Variants in PACRG observed in about 807,000 individuals in gnomAD.
PACRG encodes the protein parkin coregulated, also known as parkin coregulated gene protein.
A neutral mutation model predicts 29.7 loss-of-function variants in PACRG; 29 were observed. The ratio of observed to expected loss-of-function variants is 0.98; its 90% CI spans 0.73 to 1.33. PACRG has a LOEUF of 1.33. Among genes scored for constraint, PACRG ranks in the 40% most tolerant of loss-of-function variants. The pLI, the probability that PACRG is intolerant of heterozygous loss-of-function variation, is 0.00. For synonymous variants in PACRG, 116 were observed against 118.7 expected, an observed-to-expected ratio of 0.98 and a Z score of 0.15; for missense variants, 279 against 316.2, an observed-to-expected ratio of 0.88 and a Z score of 0.89.
intron 2 of PACRG, among the ~76,000 whole-genome samples, chr6:162,970,466 C>T (rs1030599874): frequency 2.6e-5 from 4 of 152,124 alleles, no homozygotes; most frequent in Non-Finnish European, 4.4e-5. Flanking sequence ...TCCCGGCTAT[C>T]GATGAAGAAA....
chr6:163,096,558 G>A (rs761057430), intron 4 of PACRG, among the ~76,000 whole-genome samples: 76 of 152,190 alleles, frequency 5.0e-4, no homozygotes, highest in Admixed American at 4.8e-3. Context: ...GGCTTTTGAC[G>A]GGTCATGTAA....
At chr6:163,199,295 G>T (rs963601022) in intron 4 of PACRG, among the ~76,000 whole-genome samples, 2 of 152,206 alleles carry the variant, frequency 1.3e-5, no homozygotes, top group African/African-American at 4.8e-5. Flanking sequence ...GCTGATTCTT[G>T]CAGCTTGAGC....
At chr6:163,220,871 A>T (rs550232716) in intron 4 of PACRG, among the ~76,000 whole-genome samples, 2 of 152,120 alleles carry the variant, frequency 1.3e-5, no homozygotes, top group Non-Finnish European at 2.9e-5. Context: ...CAACATCCCT[A>T]TGAGGTAAGA....
chr6:162,905,210 G>A (rs1795848052), intron 2 of PACRG, among the ~76,000 whole-genome samples: 2 of 152,168 alleles, frequency 1.3e-5, no homozygotes, highest in African/African-American at 4.8e-5. Flanking sequence ...AGTTGAGGAT[G>A]CATTAGGCTT....
chr6:163,045,781 C>A lies in PACRG; in HGVS notation c.292-16369C>A, dbSNP rs540109393. On this transcript the variant is annotated intron_variant, in intron 2 of 4. Coordinates refer to ENST00000366888, the MANE Select transcript of PACRG (RefSeq NM_001080379.2). ...GGGACTACAGGCGTGCGCTACCACG[C>A]CTTTTTGTATTTTTAGTAGAGACGG... Among the ~76,000 whole-genome samples the A allele has an allele frequency of 2.7e-4, 41 of 151,306 alleles. 1 individual carries two copies. Among genetic ancestry groups the A allele is most frequent in the Middle Eastern group, 3.4e-3 (1 of 290 alleles).
chr6:163,300,741 A>G (rs1007483368), intron 4 of PACRG, among the ~76,000 whole-genome samples: 6 of 151,968 alleles, frequency 3.9e-5, no homozygotes, highest in African/African-American at 1.5e-4. Flanking sequence ...CTACAAAAGA[A>G]TGACCTTTTT....
intron 2 of PACRG, among the ~76,000 whole-genome samples, chr6:162,934,135 A>C (rs1053718883): frequency 1.3e-5 from 2 of 151,826 alleles, no homozygotes; most frequent in Admixed American, 1.3e-4. Context: ...ATGGTGGCAC[A>C]CTCCTGTAAT....
chr6:162,776,155 A>G (rs1321977134), intron 1 of PACRG, among the ~76,000 whole-genome samples: 2 of 152,238 alleles, frequency 1.3e-5, no homozygotes, highest in Non-Finnish European at 2.9e-5. Flanking sequence ...TTTATTAGCT[A>G]CATATTCCTT....
intron 1 of PACRG, among the ~76,000 whole-genome samples, chr6:162,786,794 A>T (rs1239982403): frequency 2.7e-5 from 4 of 150,322 alleles, no homozygotes; most frequent in Non-Finnish European, 4.4e-5. Flanking sequence ...TAATGTTTTG[A>T]AGGTTGTTAT....
At chr6:163,147,359 G>A (rs890104110) in intron 4 of PACRG, among the ~76,000 whole-genome samples, 1 of 152,148 alleles carries the variant, frequency 6.6e-6, no homozygotes, top group Non-Finnish European at 1.5e-5. Context: ...TGTTTTCAAT[G>A]TGCTTTTCTT....
At chr6:163,180,037 G>A (rs1779579914) in intron 4 of PACRG, among the ~76,000 whole-genome samples, 1 of 152,210 alleles carries the variant, frequency 6.6e-6, no homozygotes, top group African/African-American at 2.4e-5. Flanking sequence ...ACTTGAAGTG[G>A]TCTTTCTGAA....
At chr6:163,248,244 T>C (rs1481824464) in intron 4 of PACRG, among the ~76,000 whole-genome samples, 1 of 152,226 alleles carries the variant, frequency 6.6e-6, no homozygotes, top group African/African-American at 2.4e-5. Flanking sequence ...TTCCCTTCTT[T>C]GTTTCATTCA....
At chr6:162,869,387 A>G (rs977664349) in intron 2 of PACRG, among the ~76,000 whole-genome samples, 2 of 152,206 alleles carry the variant, frequency 1.3e-5, no homozygotes, top group East Asian at 1.9e-4. Flanking sequence ...TCCACGGTAT[A>G]TTATTAGTTT....
At chr6:163,020,891 T>G (rs896337448) in intron 2 of PACRG, among the ~76,000 whole-genome samples, 1 of 152,144 alleles carries the variant, frequency 6.6e-6, no homozygotes, top group African/African-American at 2.4e-5. Context: ...ATGTCTACAA[T>G]TAACTCTTGC....
chr6:163,279,805 A>T (rs1225652601), intron 4 of PACRG, among the ~76,000 whole-genome samples: 1 of 152,230 alleles, frequency 6.6e-6, no homozygotes, highest in Admixed American at 6.5e-5. Context: ...CACATAAGTC[A>T]TATTTTCCAG....
chr6:163,035,005 A>G (rs2128231385), intron 2 of PACRG, among the ~76,000 whole-genome samples: 1 of 152,286 alleles, frequency 6.6e-6, no homozygotes, highest in South Asian at 2.1e-4. Flanking sequence ...CCCCCTTTCA[A>G]ACCATATAGG....
At chr6:163,240,267 G>A (rs1238959112) in intron 4 of PACRG, among the ~76,000 whole-genome samples, 4 of 150,122 alleles carry the variant, frequency 2.7e-5, no homozygotes, top group African/African-American at 9.7e-5. Flanking sequence ...ACGTGCAAGG[G>A]ACGATTGGGG....
intron 4 of PACRG, chr6:163,191,029 T>G (rs558110715): frequency 8.9e-6 from 4 of 447,386 alleles, no homozygotes; most frequent in Non-Finnish European, 8.9e-6. Context: ...ATACTGAATT[T>G]AAAATATTAC....
chr6:163,044,404 C>T (rs1410306910), intron 2 of PACRG, among the ~76,000 whole-genome samples: 1 of 152,078 alleles, frequency 6.6e-6, no homozygotes, highest in South Asian at 2.1e-4. Context: ...TGGGCTCAAG[C>T]AATCCTCCTG....
Sources: allele counts gnomAD v4.1 joint callset (sites outside exome capture counted in the v4.1 genomes callset), GRCh38; gene constraint gnomAD v4.1.1; transcripts MANE v1.5; gene names NCBI Gene and HGNC (gene_info 2026-07-23, HGNC 2026-07-21).